The following WWP1 variants were observed in gnomAD, a reference collection of about 807,000 sequenced individuals.
The protein encoded by WWP1 is NEDD4-like E3 ubiquitin-protein ligase WWP1.
Under a neutral mutation model 130.6 loss-of-function variants are expected in WWP1, and 49 were observed. That is an observed-to-expected ratio of 0.38 (90% CI 0.30 to 0.48). The LOEUF (loss-of-function observed/expected upper bound fraction) is 0.48. Ranked by LOEUF, WWP1 falls within the 20% of genes least tolerant of loss-of-function variation. The pLI is 0.99. For missense variants in WWP1, 809 were observed against 1,100.6 expected (o/e 0.74, Z 3.75); for synonymous variants, 332 against 367.8 (o/e 0.90, Z 1.11).
At chr8:86,404,235 G>T (rs553900289) in intron 8 of WWP1, among the ~76,000 whole-genome samples, 25 of 152,272 alleles carry the variant, frequency 1.6e-4, no homozygotes, top group African/African-American at 6.0e-4. Context: ...AACATTTCTG[G>T]TTCCAGGCAT....
At chr8:86,444,880 A>G (rs1484398690) in intron 18 of WWP1, among the ~76,000 whole-genome samples, 5 of 152,210 alleles carry the variant, frequency 3.3e-5, no homozygotes, top group Admixed American at 1.3e-4. Flanking sequence ...ATGACTAAGT[A>G]TCTTAGTCTG....
chr8:86,413,057 G>A (rs950274635), intron 9 of WWP1, among the ~76,000 whole-genome samples: 1 of 152,110 alleles, frequency 6.6e-6, no homozygotes, highest in African/African-American at 2.4e-5. Context: ...TCGAACTCCT[G>A]ACCTCATGAT....
chr8:86,463,464 G>A (rs968993174), intron 24 of WWP1, among the ~76,000 whole-genome samples: 11 of 151,670 alleles, frequency 7.3e-5, no homozygotes, highest in South Asian at 2.1e-4. Context: ...GCACCACCAC[G>A]CCCAGCTAAT....
chr8:86,386,109 T>G (rs1825269549), intron 5 of WWP1, among the ~76,000 whole-genome samples: 2 of 152,226 alleles, frequency 1.3e-5, no homozygotes, highest in Non-Finnish European at 2.9e-5. Context: ...GACTGCTGTG[T>G]TCAGCTAGTC....
At chr8:86,444,971 A>G (rs1293997641) in intron 18 of WWP1, among the ~76,000 whole-genome samples, 1 of 152,128 alleles carries the variant, frequency 6.6e-6, no homozygotes, top group Non-Finnish European at 1.5e-5. Flanking sequence ...AGGCTGTACA[A>G]GAAGCATGGT....
At chr8:86,351,573 C>A (rs1296067465) in intron 1 of WWP1, among the ~76,000 whole-genome samples, 1 of 151,798 alleles carries the variant, frequency 6.6e-6, no homozygotes, top group Non-Finnish European at 1.5e-5. Context: ...AGTGATCCCC[C>A]CTACCTCGAC....
intron 1 of WWP1, 152 bp downstream of exon 1, chr8:86,343,082 C>G (rs1822319141): frequency 7.1e-6 from 2 of 280,238 alleles, no homozygotes; most frequent in South Asian, 3.3e-4. Context: ...TCCGCCCTAC[C>G]TTGGCTACCT....
At chr8:86,352,445 G>A (rs1392140333) in intron 1 of WWP1, among the ~76,000 whole-genome samples, 2 of 151,844 alleles carry the variant, frequency 1.3e-5, no homozygotes, top group Non-Finnish European at 2.9e-5. Flanking sequence ...GGCTGGTCTC[G>A]AACTCCTGGC....
intron 9 of WWP1, among the ~76,000 whole-genome samples, chr8:86,421,384 G>A (rs1809191540): frequency 6.6e-6 from 1 of 152,128 alleles, no homozygotes; most frequent in South Asian, 2.1e-4. Context: ...TTTTAAGTAT[G>A]TATGTGTTTA....
intron 18 of WWP1, 119 bp from the exon 19 acceptor site, chr8:86,448,029 C>A: frequency 1.2e-6 from 1 of 819,662 alleles, no homozygotes; most frequent in South Asian, 1.9e-5. Context: ...TGATTTATGC[C>A]ATTCACTTAC....
At chr8:86,440,698 A>G (rs1810545926) in intron 17 of WWP1, 1 of 455,152 alleles carries the variant, frequency 2.2e-6, no homozygotes, top group South Asian at 1.6e-5. Flanking sequence ...TTTCTGTTCC[A>G]TTTGTTCCAT....
At chr8:86,394,459 C>T (rs368174129) in intron 5 of WWP1, among the ~76,000 whole-genome samples, 55 of 152,338 alleles carry the variant, frequency 3.6e-4, no homozygotes, top group African/African-American at 1.3e-3. Flanking sequence ...ATTAGTTGGA[C>T]AAGATCTCTG....
chr8:86,466,977 C>G lies in WWP1; in HGVS notation c.*84C>G. ...GCACAGATAGTGTATATAAGCTGTT[C>G]ATTCTGTACAGTGAATTTTCCGAAC... is the stretch of plus-strand genomic sequence containing the variant. On this transcript the variant is annotated 3_prime_UTR_variant, in exon 25 of 25. Transcript: ENST00000517970. 1.1e-6 allele frequency: 1 copy of G among 943,568 alleles called. No homozygotes were observed. Among genetic ancestry groups the G allele is most frequent in the Non-Finnish European group, 1.6e-6 (1 of 622,934 alleles). 58.4% of individuals were successfully genotyped at this position (943,568 alleles called of 1,614,324 possible).
At chr8:86,377,425 A>G (rs1276258536) in intron 3 of WWP1, among the ~76,000 whole-genome samples, 1 of 151,652 alleles carries the variant, frequency 6.6e-6, no homozygotes, top group Non-Finnish European at 1.5e-5. Flanking sequence ...AACAGTAAGT[A>G]CTCAGATTAA....
At chr8:86,359,529 A>G (rs1823443236) in intron 1 of WWP1, among the ~76,000 whole-genome samples, 1 of 151,994 alleles carries the variant, frequency 6.6e-6, no homozygotes, top group Admixed American at 6.5e-5. Context: ...CTCCTACTTC[A>G]CCGAGAAAAT....
rs1247934267 is a variant in WWP1 at position 86,398,172 on chromosome 8, G to A, written c.335-170G>A. 2.6e-5 allele frequency among the ~76,000 whole-genome samples: 4 copies of A among 152,168 alleles called. No individual in the cohort carries two copies. The East Asian group carries it at 7.7e-4, about 29-fold the overall frequency. Reference sequence around the variant, plus strand: ...AGCAATTAAAGGTGATATTGAAAGCGTGGGATTGAGGGGGAAAGAGGAATT... The same window carrying A: ...AGCAATTAAAGGTGATATTGAAAGCATGGGATTGAGGGGGAAAGAGGAATT... On this transcript the variant is annotated intron_variant, in intron 5 of 24. Coordinates refer to ENST00000517970, the MANE Select transcript of WWP1 (RefSeq NM_007013.4).
At chr8:86,386,139 A>G (rs909623597) in intron 5 of WWP1, among the ~76,000 whole-genome samples, 2 of 152,190 alleles carry the variant, frequency 1.3e-5, no homozygotes, top group Non-Finnish European at 1.5e-5. Flanking sequence ...TCTTCTGAGT[A>G]TGCTTTGCTG....
chr8:86,394,528 T>C (rs544452195), intron 5 of WWP1, among the ~76,000 whole-genome samples: 2 of 152,290 alleles, frequency 1.3e-5, no homozygotes, highest in East Asian at 1.9e-4. Flanking sequence ...AACATTCTTT[T>C]AGTGGTAAGT....
At chr8:86,388,214 C>T in intron 5 of WWP1, among the ~76,000 whole-genome samples, 1 of 142,408 alleles carries the variant, frequency 7.0e-6, no homozygotes, top group African/African-American at 2.6e-5. Flanking sequence ...TTATATTTCT[C>T]TTAGGTAGAG....
Sources: allele counts gnomAD v4.1 joint callset (sites outside exome capture counted in the v4.1 genomes callset), GRCh38; gene constraint gnomAD v4.1.1; transcripts MANE v1.5; gene names NCBI Gene and HGNC (gene_info 2026-07-23, HGNC 2026-07-21).